Variants in INPP5A observed in about 807,000 individuals in gnomAD.
The protein encoded by INPP5A is inositol polyphosphate-5-phosphatase A.
In INPP5A, 14 loss-of-function variants were observed where a neutral mutation model predicts 65.2. The ratio of observed to expected loss-of-function variants is 0.21; its 90% CI spans 0.14 to 0.34. INPP5A has a LOEUF of 0.34. INPP5A is among the 10% of genes least tolerant of loss of function. The pLI, the probability that INPP5A is intolerant of heterozygous loss-of-function variation, is 1.00. For missense variants in INPP5A, 431 were observed against 545.6 expected (o/e 0.79, Z 2.09); for synonymous variants, 207 against 208.3 (o/e 0.99, Z 0.05).
At chr10:132,724,780 G>A (rs904946019) in intron 8 of INPP5A, among the ~76,000 whole-genome samples, 4 of 146,766 alleles carry the variant, frequency 2.7e-5, no homozygotes, top group African/African-American at 1.0e-4. Flanking sequence ...CACCACAGAC[G>A]GGGGTCACTC....
rs2133246019 is a variant in INPP5A, at chr10:132,545,821, C to T, written c.75+7650C>T. On this transcript the variant is annotated intron_variant, in intron 1 of 15. Coordinates refer to ENST00000368594, the MANE Select transcript of INPP5A (RefSeq NM_005539.5). This position sits in a 1 kb window ranked among gnomAD's most constrained non-coding sequence, Gnocchi z 4.6. ...AGATCTGGCGTTTTCCAAGCTCCCC[C>T]TGCTTTGTGGAGCTCTGAGCGCTGG... 6.6e-6 allele frequency among the ~76,000 whole-genome samples: 1 copy of T among 152,370 alleles called. No homozygotes were observed. The highest frequency in any genetic ancestry group is 1.9e-4 in the East Asian group (1 of 5,172).
intron 1 of INPP5A, among the ~76,000 whole-genome samples, chr10:132,582,532 C>T (rs1490558183): frequency 2.0e-5 from 3 of 151,862 alleles, no homozygotes; most frequent in Non-Finnish European, 4.4e-5. Flanking sequence ...ATCCTCCCAC[C>T]TTAGGCTCCT....
At chr10:132,648,627 A>G (rs1301976971) in intron 3 of INPP5A, among the ~76,000 whole-genome samples, 1 of 152,180 alleles carries the variant, frequency 6.6e-6, no homozygotes, top group Admixed American at 6.5e-5. Context: ...TCATTTTTGA[A>G]AGCTGTTTTT....
At chr10:132,780,060 T>C (rs184977304) in intron 13 of INPP5A, among the ~76,000 whole-genome samples, 1 of 152,390 alleles carries the variant, frequency 6.6e-6, no homozygotes, top group East Asian at 1.9e-4. Flanking sequence ...AAGGTGCTCA[T>C]GCATGCGGTG....
intron 1 of INPP5A, among the ~76,000 whole-genome samples, chr10:132,539,548 G>T (rs371876695): frequency 6.6e-6 from 1 of 151,396 alleles, no homozygotes. Context: ...GAGCTCCCCA[G>T]AGGCAGGCCG....
At chr10:132,760,101 C>T (rs1159793389) in intron 11 of INPP5A, among the ~76,000 whole-genome samples, 2 of 152,234 alleles carry the variant, frequency 1.3e-5, no homozygotes, top group Non-Finnish European at 2.9e-5. Context: ...TAAACGAATT[C>T]ATGTCGGCCA....
At chr10:132,593,250 C>T (rs979760383) in intron 1 of INPP5A, among the ~76,000 whole-genome samples, 5 of 152,174 alleles carry the variant, frequency 3.3e-5, no homozygotes, top group South Asian at 2.1e-4. Context: ...CCGTCTTCCC[C>T]GGTTCATAGG....
In INPP5A at chr10:132,764,098, G is replaced by A. The variant is rs576768287; in HGVS notation, c.904-1675G>A. Among the ~76,000 whole-genome samples, 310 of 152,388 alleles carry A rather than the reference G, an allele frequency of 2.0e-3. 8 individuals are homozygous for A. Among genetic ancestry groups the A allele is most frequent in the Middle Eastern group, 3.4e-3 (1 of 294 alleles). On this transcript the variant is annotated intron_variant, in intron 11 of 15. Transcript: ENST00000368594. ...GGAGCTGTACCCTCTTAGGAGGCAG[G>A]AGGCAGTGGGGCTGTGAACGCCTGT...
At chr10:132,557,749 G>A (rs535585747) in intron 1 of INPP5A, among the ~76,000 whole-genome samples, 1 of 152,306 alleles carries the variant, frequency 6.6e-6, no homozygotes, top group African/African-American at 2.4e-5. Flanking sequence ...AGGGAGGTGA[G>A]TCCTGGAGGT....
chr10:132,745,904 G>A (rs1846363764), intron 9 of INPP5A, among the ~76,000 whole-genome samples: 1 of 152,204 alleles, frequency 6.6e-6, no homozygotes, highest in South Asian at 2.1e-4. Context: ...CCGAGGAGGA[G>A]TGTGTCCTGG....
chr10:132,584,241 C>A (rs2071521040), intron 1 of INPP5A, among the ~76,000 whole-genome samples: 2 of 152,198 alleles, frequency 1.3e-5, no homozygotes, highest in South Asian at 4.1e-4. Context: ...TAACCACCAA[C>A]CATTTGGAAA....
chr10:132,638,614 C>A (rs1290211842), intron 2 of INPP5A, among the ~76,000 whole-genome samples: 1 of 152,224 alleles, frequency 6.6e-6, no homozygotes, highest in Non-Finnish European at 1.5e-5. Context: ...GTCACCCAGG[C>A]TGGAGTGCAG....
intron 1 of INPP5A, among the ~76,000 whole-genome samples, chr10:132,558,111 C>T (rs1283186294): frequency 6.6e-6 from 1 of 152,220 alleles, no homozygotes; most frequent in East Asian, 1.9e-4. Flanking sequence ...AGCCACCTGG[C>T]TGTCCAGGTG....
At chr10:132,752,522 G>C (rs1308743093) in intron 11 of INPP5A, among the ~76,000 whole-genome samples, 1 of 144,560 alleles carries the variant, frequency 6.9e-6, no homozygotes, top group Non-Finnish European at 1.5e-5. Context: ...GCGTGGCGTG[G>C]AGGAGGTGTG....
At chr10:132,580,151 C>T (rs1459428523) in intron 1 of INPP5A, among the ~76,000 whole-genome samples, 3 of 152,114 alleles carry the variant, frequency 2.0e-5, no homozygotes, top group Non-Finnish European at 2.9e-5. Context: ...GCAGTGGGTT[C>T]TGTTTAAGAA....
In INPP5A at chr10:132,698,121, A is replaced by C. The variant is rs1845375335; in HGVS notation, c.474+202A>C. Among the ~76,000 whole-genome samples, 1 of 152,214 alleles carries C rather than the reference A, an allele frequency of 6.6e-6. No individual in the cohort carries two copies. The highest frequency in any genetic ancestry group is 2.4e-5 in the African/African-American group (1 of 41,446). On this transcript the variant is annotated intron_variant, in intron 6 of 15. Coordinates refer to ENST00000368594, the MANE Select transcript of INPP5A (RefSeq NM_005539.5). The surrounding 1 kb of genome is among the most constrained non-coding windows in gnomAD (Gnocchi z 5.5). ...CGTAAGGGCAGTGAGAATCTAAGGC[A>C]TTAGCACCAAGTAATCAGTAAGTTC...
At chr10:132,625,727 C>T (rs1352715010) in intron 2 of INPP5A, among the ~76,000 whole-genome samples, 1 of 152,092 alleles carries the variant, frequency 6.6e-6, no homozygotes, top group Admixed American at 6.5e-5. Flanking sequence ...AGGGGCGTGC[C>T]TTGGCCCTGG....
intron 1 of INPP5A, among the ~76,000 whole-genome samples, chr10:132,556,103 T>G (rs555874241): frequency 5.3e-5 from 8 of 152,076 alleles, no homozygotes; most frequent in Non-Finnish European, 1.2e-4. Flanking sequence ...GCTCCCTTCC[T>G]TGTGCAGATG....
rs528147303 is a variant in INPP5A, at chr10:132,644,310, C to T, written c.118-1558C>T. Among the ~76,000 whole-genome samples, 5 of 152,334 alleles carry T rather than the reference C, an allele frequency of 3.3e-5. No individual in the cohort carries two copies. In the South Asian group the frequency reaches 6.2e-4, roughly 19 times the overall value. ...CACGGCCGCCCTTGTCTCCTGCTGCCGCTGCCACCTGCAGCACAGACGGAG... is the reference window on the plus strand; with the variant it reads ...CACGGCCGCCCTTGTCTCCTGCTGCTGCTGCCACCTGCAGCACAGACGGAG... On this transcript the variant is annotated intron_variant, in intron 2 of 15. Coordinates refer to ENST00000368594, the MANE Select transcript of INPP5A (RefSeq NM_005539.5). This position sits in a 1 kb window ranked among gnomAD's most constrained non-coding sequence, Gnocchi z 6.5.
Sources: gnomAD v4.1 joint callset for allele counts (sites outside exome capture counted in the v4.1 genomes callset) on GRCh38, gnomAD v4.1.1 for gene constraint, Gnocchi (gnomAD v3.1) non-coding constraint, MANE v1.5 for transcripts, NCBI Gene and HGNC (gene_info 2026-07-23, HGNC 2026-07-21) for gene names.